Variants in NCALD observed in about 807,000 individuals in gnomAD.
NCALD encodes neurocalcin-delta.
A neutral mutation model predicts 18.6 loss-of-function variants in NCALD; 10 were observed. The observed-to-expected ratio is 0.54, with a 90% confidence interval of 0.33 to 0.91. The LOEUF (loss-of-function observed/expected upper bound fraction) is 0.91, where lower values mean the gene tolerates loss of function less well. NCALD is among the 40% of genes least tolerant of loss of function. The pLI is 0.03. For synonymous variants in NCALD, 88 were observed against 87.4 expected (o/e 1.01, Z -0.04); for missense variants, 184 against 247.6 (o/e 0.74, Z 1.72).
intron 1 of NCALD, among the ~76,000 whole-genome samples, chr8:102,053,243 A>T (rs903841241): frequency 4.3e-4 from 65 of 152,340 alleles, no homozygotes; most frequent in Non-Finnish European, 7.2e-4. Context: ...TGATTTTTTT[A>T]AAATCTAATT....
chr8:101,927,396 G>A (rs978715326), intron 2 of NCALD, among the ~76,000 whole-genome samples: 3 of 152,236 alleles, frequency 2.0e-5, no homozygotes, highest in African/African-American at 7.2e-5. Flanking sequence ...TTGTCAGGGA[G>A]CTGCAGCAGA....
chr8:101,968,513 T>TACTG lies in NCALD; in HGVS notation c.-157+51720_-157+51723dup, dbSNP rs1217437033. Among the ~76,000 whole-genome samples the TACTG allele has an allele frequency of 2.0e-5, 3 of 152,174 alleles. No individual in the cohort carries two copies. The East Asian group carries it at 5.8e-4, about 29-fold the overall frequency. ...TTGAGGTCAGTGTTTGACACCAAGG[T>TACTG]ACTGCCTAGAGTGCTCTGCTGTCAC... On this transcript the variant is annotated intron_variant, in intron 2 of 6. Coordinates refer to the NCALD transcript ENST00000311028.
At chr8:101,818,363 C>T (rs1399697478) in intron 4 of NCALD, among the ~76,000 whole-genome samples, 1 of 152,066 alleles carries the variant, frequency 6.6e-6, no homozygotes, top group Admixed American at 6.6e-5. Flanking sequence ...CACGCTAGCC[C>T]CTGGAGGTAA....
chr8:101,753,413 G>T (rs541877319), intron 1 of NCALD, among the ~76,000 whole-genome samples: 1 of 152,230 alleles, frequency 6.6e-6, no homozygotes, highest in South Asian at 2.1e-4. Flanking sequence ...CACTGCTGGT[G>T]GTTACCCACA....
chr8:101,968,425 C>A (rs1820113502), intron 2 of NCALD, among the ~76,000 whole-genome samples: 1 of 152,088 alleles, frequency 6.6e-6, no homozygotes, highest in South Asian at 2.1e-4. Context: ...ATAGATTTTC[C>A]AGGCTGGAGT....
At chr8:101,797,622 C>T (rs1194644512) in intron 4 of NCALD, among the ~76,000 whole-genome samples, 1 of 152,114 alleles carries the variant, frequency 6.6e-6, no homozygotes, top group African/African-American at 2.4e-5. Context: ...TTGAGACCAT[C>T]CTGGCCAACA....
chr8:101,865,115 C>T (rs494352), intron 4 of NCALD, among the ~76,000 whole-genome samples: 40,044 of 152,056 alleles, frequency 0.26, 5,700 homozygotes, highest in East Asian at 0.38. Context: ...CACACATGCA[C>T]ATCTAAGATT....
rs114190217 is a variant in NCALD at position 101,942,107 on chromosome 8, T to C, written c.-156-26249A>G. ...AAAAGGAGAGAATCCAAGTCTCACT[T>C]AACATCATTCATTTCCAACACTGTA... On this transcript the variant is annotated intron_variant, in intron 2 of 6. Coordinates refer to the NCALD transcript ENST00000311028. 4.6e-3 allele frequency among the ~76,000 whole-genome samples: 694 copies of C among 152,314 alleles called. 7 individuals are homozygous for C. The highest frequency in any genetic ancestry group is 0.015 in the African/African-American group (632 of 41,566).
upstream of NCALD, among the ~76,000 whole-genome samples, chr8:101,793,016 T>A (rs975134564): frequency 9.2e-5 from 14 of 152,352 alleles, no homozygotes; most frequent in African/African-American, 3.4e-4. Context: ...TACTTTATAC[T>A]GCCTTGGGCA....
At chr8:101,876,739 G>A (rs1314288339) in intron 4 of NCALD, among the ~76,000 whole-genome samples, 1 of 152,228 alleles carries the variant, frequency 6.6e-6, no homozygotes, top group Non-Finnish European at 1.5e-5. Context: ...AGTACTTATT[G>A]CTGCTGCTGC....
intron 1 of NCALD, among the ~76,000 whole-genome samples, chr8:102,057,433 AG>A (rs763283523): frequency 2.6e-5 from 4 of 152,196 alleles, no homozygotes; most frequent in Non-Finnish European, 4.4e-5. Flanking sequence ...ATACCAAAGA[AG>A]GTTTGTAATA....
intron 4 of NCALD, among the ~76,000 whole-genome samples, chr8:101,829,974 GTTTTTT>G (rs35295834): frequency 3.4e-5 from 4 of 116,144 alleles, no homozygotes; most frequent in African/African-American, 6.6e-5. Context: ...AGTCACATGG[GTTTTTT>G]TTTTTTTTTT....
At chr8:102,075,660 AT>A (rs769335947) in intron 1 of NCALD, among the ~76,000 whole-genome samples, 188 of 152,322 alleles carry the variant, frequency 1.2e-3, no homozygotes, top group Non-Finnish European at 1.7e-3. Context: ...ACTCATGAAA[AT>A]GTTTCCACGT....
intron 2 of NCALD, among the ~76,000 whole-genome samples, chr8:101,701,164 G>A (rs921052186): frequency 2.0e-5 from 3 of 152,042 alleles, no homozygotes; most frequent in African/African-American, 4.8e-5. Context: ...CCCTTCCCAC[G>A]GCATCAACAA....
chr8:102,113,780 GT>G (rs1342556211), intron 1 of NCALD, among the ~76,000 whole-genome samples: 23 of 152,186 alleles, frequency 1.5e-4, no homozygotes, highest in African/African-American at 5.5e-4. Flanking sequence ...TTCTTGGCCA[GT>G]TATGATGTGC....
chr8:102,059,833 AG>A (rs1823778314), intron 1 of NCALD, among the ~76,000 whole-genome samples: 3 of 152,204 alleles, frequency 2.0e-5, no homozygotes, highest in African/African-American at 7.2e-5. Context: ...ATCTAAAGAT[AG>A]GGCTGTGGTT....
intron 3 of NCALD, chr8:101,692,567 T>C: frequency 8.1e-6 from 8 of 985,446 alleles, no homozygotes; most frequent in Non-Finnish European, 9.6e-6. Context: ...GAGGTAGAAG[T>C]TGACCTACAA....
chr8:101,703,850 T>G (rs1000804771), intron 2 of NCALD, among the ~76,000 whole-genome samples: 1 of 151,966 alleles, frequency 6.6e-6, no homozygotes, highest in Non-Finnish European at 1.5e-5. Flanking sequence ...GCACAGTCAG[T>G]CTACACAAGA....
chr8:101,828,114 C>A (rs138384660), intron 4 of NCALD, among the ~76,000 whole-genome samples: 2,587 of 152,252 alleles, frequency 0.017, 38 homozygotes, highest in Non-Finnish European at 0.028. Flanking sequence ...TGATCCCTGC[C>A]CTGTCTCCTT....
Sources: gnomAD v4.1 joint callset for allele counts (sites outside exome capture counted in the v4.1 genomes callset) on GRCh38, gnomAD v4.1.1 for gene constraint, MANE v1.5 for transcripts, NCBI Gene and HGNC (gene_info 2026-07-23, HGNC 2026-07-21) for gene names.